FBXO42: variants seen among roughly 807,000 people sequenced by gnomAD.
FBXO42 encodes the protein F-box only protein 42.
A neutral mutation model predicts 71.7 loss-of-function variants in FBXO42; 12 were observed. The observed-to-expected ratio is 0.17, with a 90% CI of 0.11 to 0.27. The LOEUF (loss-of-function observed/expected upper bound fraction) is 0.27. Ranked by LOEUF, FBXO42 falls within the 10% of genes least tolerant of loss-of-function variation. The pLI is 1.00. For synonymous variants in FBXO42, 325 were observed against 327.5 expected (o/e 0.99, Z 0.08); for missense variants, 707 against 911.9 (o/e 0.78, Z 2.89).
intron 4 of FBXO42, among the ~76,000 whole-genome samples, chr1:16,288,992 C>T (rs992268615): frequency 6.6e-6 from 1 of 151,246 alleles, no homozygotes; most frequent in Non-Finnish European, 1.5e-5. Context: ...CAGTTTCTTA[C>T]TGATATATGC....
intron 1 of FBXO42, among the ~76,000 whole-genome samples, chr1:16,346,252 G>A (rs1401667276): frequency 3.3e-5 from 5 of 152,004 alleles, no homozygotes; most frequent in East Asian, 1.9e-4. Context: ...TTGAAAGTGC[G>A]TTTACCCCCA....
intron 4 of FBXO42, chr1:16,293,951 T>C (rs1246754954): frequency 6.6e-6 from 1 of 152,176 alleles, no homozygotes; most frequent in Non-Finnish European, 1.5e-5. Context: ...CAATGATGCC[T>C]CCTATCTGGT....
At chr1:16,294,735 A>C (rs952090166) in intron 4 of FBXO42, 48 bp downstream of exon 4, 2 of 1,597,236 alleles carry the variant, frequency 1.3e-6, no homozygotes. Context: ...TTTCCATGCC[A>C]AGGGAGTCAC....
chr1:16,260,446 C>A (rs1015426433), intron 4 of FBXO42, among the ~76,000 whole-genome samples: 3 of 152,012 alleles, frequency 2.0e-5, no homozygotes, highest in Non-Finnish European at 4.4e-5. Flanking sequence ...TGAGCTCAGG[C>A]AATCCACTGG....
At chr1:16,316,036 G>A (rs565455821) in intron 1 of FBXO42, among the ~76,000 whole-genome samples, 2 of 152,032 alleles carry the variant, frequency 1.3e-5, no homozygotes, top group Non-Finnish European at 2.9e-5. Context: ...TGGGCATGGT[G>A]GCACATGCCT....
chr1:16,270,909 GA>G (rs1395319660), intron 4 of FBXO42, among the ~76,000 whole-genome samples: 3 of 151,164 alleles, frequency 2.0e-5, no homozygotes, highest in Admixed American at 1.3e-4. Flanking sequence ...GGGGAAGAAA[GA>G]CAGTGTGACA....
chr1:16,296,665 A>C (rs935630201), intron 3 of FBXO42, among the ~76,000 whole-genome samples: 186 of 151,570 alleles, frequency 1.2e-3, no homozygotes, highest in African/African-American at 4.2e-3. Context: ...AAAAAAAAAA[A>C]AAACAAAAAC....
rs1320047913 is a variant in FBXO42, at chr1:16,246,887, G to A, written c.*3783C>T. The A allele has an allele frequency of 1.3e-5, 2 of 152,164 alleles. No homozygotes were observed. Among genetic ancestry groups the A allele is most frequent in the Non-Finnish European group, 2.9e-5 (2 of 68,034 alleles). 9.4% of individuals were successfully genotyped at this position (152,164 alleles called of 1,614,324 possible). On this transcript the variant is annotated 3_prime_UTR_variant, in exon 10 of 10. Transcript: ENST00000375592. ...TTGTTAAATTGCTAAAAAGTCATCA[G>A]GGGAAAACATTAACAAAAAATGAAA...
At chr1:16,307,981 A>G (rs1040833126) in intron 2 of FBXO42, among the ~76,000 whole-genome samples, 1 of 152,210 alleles carries the variant, frequency 6.6e-6, no homozygotes, top group Admixed American at 6.5e-5. Context: ...ATAGCCAAGA[A>G]AACATGGAAG....
At chr1:16,298,761 C>T (rs933002081) in intron 3 of FBXO42, among the ~76,000 whole-genome samples, 2 of 152,084 alleles carry the variant, frequency 1.3e-5, no homozygotes, top group South Asian at 2.1e-4. Context: ...CCGCTCGCCT[C>T]GGCCTCCCAA....
intron 1 of FBXO42, among the ~76,000 whole-genome samples, chr1:16,318,963 G>T (rs1326842091): frequency 3.3e-5 from 5 of 152,176 alleles, no homozygotes; most frequent in Non-Finnish European, 7.4e-5. Flanking sequence ...CCTCCTTACA[G>T]ATGGACAGTA....
Position 16,250,592 on chromosome 1 carries a change from C to T in FBXO42, c.*78G>A. 1 of 1,495,746 alleles carries T rather than the reference C, an allele frequency of 6.7e-7. No individual in the cohort carries two copies. Among genetic ancestry groups the T allele is most frequent in the South Asian group, 1.4e-5 (1 of 71,252 alleles). The allele number at this position is 1,495,746 out of a possible 1,614,324, so 92.7% of individuals were successfully genotyped here. A position where few individuals can be genotyped will look rare whatever the true frequency, so the allele number is the denominator to read the frequency against. On this transcript the variant is annotated 3_prime_UTR_variant, in exon 10 of 10. Transcript: ENST00000375592. This position sits in a 1 kb window ranked among gnomAD's most constrained non-coding sequence, Gnocchi z 4.7. ...GCTTCTGGGAGTAATTTTGTTTTCC[C>T]AATTCTCAGTCCAAATGCTTACACA...
At chr1:16,307,687 A>C (rs1037201522) in intron 2 of FBXO42, among the ~76,000 whole-genome samples, 3 of 152,212 alleles carry the variant, frequency 2.0e-5, no homozygotes, top group African/African-American at 7.2e-5. Context: ...AAATTAAAAC[A>C]CATATACATT....
At chr1:16,325,000 G>T (rs764472890) in intron 1 of FBXO42, among the ~76,000 whole-genome samples, 10 of 152,046 alleles carry the variant, frequency 6.6e-5, no homozygotes, top group Admixed American at 3.9e-4. Flanking sequence ...CACTTTGAGA[G>T]GCCAAAACAG....
At chr1:16,267,520 T>C (rs2081791100) in intron 4 of FBXO42, among the ~76,000 whole-genome samples, 1 of 152,194 alleles carries the variant, frequency 6.6e-6, no homozygotes, top group Non-Finnish European at 1.5e-5. Context: ...CAAATGGTTA[T>C]AGATCTCTCA....
intron 4 of FBXO42, among the ~76,000 whole-genome samples, chr1:16,262,495 C>T (rs1347506892): frequency 6.6e-6 from 1 of 152,010 alleles, no homozygotes; most frequent in Non-Finnish European, 1.5e-5. Flanking sequence ...TCACTTGAGG[C>T]CAGGCGTTTG....
intron 6 of FBXO42, among the ~76,000 whole-genome samples, chr1:16,253,998 T>C (rs568527621): frequency 2.6e-5 from 4 of 152,318 alleles, no homozygotes; most frequent in African/African-American, 7.2e-5. Flanking sequence ...ATCTCTAAAA[T>C]GAAAATACTG....
chr1:16,294,676 G>T, intron 4 of FBXO42, 107 bp downstream of exon 4: 1 of 1,153,842 alleles, frequency 8.7e-7, no homozygotes, highest in Non-Finnish European at 1.2e-6. Context: ...AAGGACCTGA[G>T]TCCCAGTAAC....
intron 3 of FBXO42, among the ~76,000 whole-genome samples, chr1:16,296,663 A>AAAAAAC (rs1557589584): frequency 6.6e-6 from 1 of 151,168 alleles, no homozygotes; most frequent in African/African-American, 2.4e-5. Context: ...AAAAAAAAAA[A>AAAAAAC]AAAAACAAAA....
Sources: allele counts gnomAD v4.1 joint callset (sites outside exome capture counted in the v4.1 genomes callset), GRCh38; gene constraint gnomAD v4.1.1; non-coding constraint Gnocchi (gnomAD v3.1); transcripts MANE v1.5; gene names NCBI Gene and HGNC (gene_info 2026-07-23, HGNC 2026-07-21).